ADGRF5: variants seen among roughly 807,000 people sequenced by gnomAD.
ADGRF5 encodes the protein G-protein coupled receptor 116.
ADGRF5 carries 75 observed loss-of-function variants against 132.3 expected under a neutral mutation model. The ratio of observed to expected loss-of-function variants is 0.57; its 90% CI spans 0.47 to 0.69. The LOEUF (loss-of-function observed/expected upper bound fraction) is 0.69. ADGRF5 is among the 30% of genes least tolerant of loss of function. The probability of loss-of-function intolerance (pLI) is 0.00; values close to 1 mark genes in which losing one functional copy is unlikely to be tolerated. For synonymous variants in ADGRF5, 629 were observed against 597.6 expected, an observed-to-expected ratio of 1.05 and a Z score of -0.77; for missense variants, 1,516 against 1,630.6, an observed-to-expected ratio of 0.93 and a Z score of 1.21.
chr6:46,939,680 G>A (rs1340893023), intron 1 of ADGRF5, among the ~76,000 whole-genome samples: 4 of 152,148 alleles, frequency 2.6e-5, no homozygotes, highest in Admixed American at 2.0e-4. Flanking sequence ...TGAGGACATG[G>A]AATGGGGAGC....
chr6:46,897,312 T>C (rs1774287706), intron 3 of ADGRF5, among the ~76,000 whole-genome samples: 2 of 152,082 alleles, frequency 1.3e-5, no homozygotes, highest in South Asian at 4.2e-4. Context: ...AAAGATTTTG[T>C]CCAGTGACTC....
At chr6:46,868,669 G>C (rs665551) in intron 12 of ADGRF5, among the ~76,000 whole-genome samples, 127,251 of 152,202 alleles carry the variant, frequency 0.84, 54,998 homozygotes, top group East Asian at 0.99. Flanking sequence ...CCTGGCTCTA[G>C]AACTTAAGTT....
intron 1 of ADGRF5, among the ~76,000 whole-genome samples, chr6:46,938,390 G>T (rs963705183): frequency 1.3e-5 from 2 of 152,136 alleles, no homozygotes; most frequent in Non-Finnish European, 2.9e-5. Flanking sequence ...GTCTATTTCT[G>T]TATTTTTTGG....
chr6:46,926,028 T>C (rs1777227911), upstream of ADGRF5, among the ~76,000 whole-genome samples: 1 of 152,344 alleles, frequency 6.6e-6, no homozygotes, highest in South Asian at 2.1e-4. Context: ...CCTTTGGCAC[T>C]GATCTGTCCT....
At chr6:46,913,414 G>A (rs1019330006) in intron 1 of ADGRF5, among the ~76,000 whole-genome samples, 23 of 151,912 alleles carry the variant, frequency 1.5e-4, no homozygotes, top group African/African-American at 5.6e-4. Context: ...CAGGAGAATT[G>A]CTTCAACCCA....
At chr6:46,949,114 A>G (rs900393349) in intron 1 of ADGRF5, among the ~76,000 whole-genome samples, 2 of 152,188 alleles carry the variant, frequency 1.3e-5, no homozygotes, top group African/African-American at 4.8e-5. Context: ...TTTTTAAGAA[A>G]GCTAACTTAG....
At chr6:46,914,063 C>T (rs935092397) in intron 1 of ADGRF5, among the ~76,000 whole-genome samples, 2 of 152,170 alleles carry the variant, frequency 1.3e-5, no homozygotes, top group Non-Finnish European at 2.9e-5. Flanking sequence ...TAGATGAGCA[C>T]ATACAAGCAT....
chr6:46,875,287 G>A (rs150654594), intron 10 of ADGRF5, among the ~76,000 whole-genome samples: 154 of 152,282 alleles, frequency 1.0e-3, no homozygotes, highest in Non-Finnish European at 1.8e-3. Context: ...GTGCAACCAG[G>A]AGCCCTGCAT....
In ADGRF5 at chr6:46,858,884, G is replaced by A. The variant is rs1373211811; in HGVS notation, c.3019C>T (p.Leu1007Phe). ...MSPDSPDPSSLLGILLDIISY... is the reference protein window; with the variant it reads ...MSPDSPDPSSFLGILLDIISY... ...ATAATATCCAGGAGTATTCCCAGGA[G>A]AGAACTAGGATCTGGGGAGTCAGGG... Residue 1007 changes from leucine (L) to phenylalanine (F), a missense_variant, in exon 17 of 21, where the codon CTC (leucine) becomes TTC (phenylalanine). By Grantham distance (22) the Leu-to-Phe change is conservative (BLOSUM62 0). Transcript: ENST00000283296. The A allele has an allele frequency of 3.7e-6, 6 of 1,614,072 alleles. No individual in the cohort carries two copies. The highest frequency in any genetic ancestry group is 1.7e-5 in the Admixed American group (1 of 60,032).
intron 1 of ADGRF5, among the ~76,000 whole-genome samples, chr6:46,941,781 C>T (rs942807072): frequency 1.3e-5 from 2 of 152,144 alleles, no homozygotes; most frequent in Admixed American, 6.5e-5. Flanking sequence ...CTAGGTTCAT[C>T]TGTGGGCCAT....
chr6:46,888,793 A>G (rs576296506), intron 3 of ADGRF5, among the ~76,000 whole-genome samples: 35 of 152,282 alleles, frequency 2.3e-4, no homozygotes, highest in African/African-American at 7.5e-4. Context: ...AAAATATGTC[A>G]CAGTCAGGAC....
chr6:46,939,319 G>T (rs898893974), intron 1 of ADGRF5, among the ~76,000 whole-genome samples: 3 of 152,294 alleles, frequency 2.0e-5, no homozygotes, highest in South Asian at 4.1e-4. Flanking sequence ...GACAGGCAGG[G>T]CTGAAGCTTA....
intron 1 of ADGRF5, among the ~76,000 whole-genome samples, chr6:46,941,381 A>G (rs770830724): frequency 1.0e-4 from 14 of 134,712 alleles, no homozygotes; most frequent in Non-Finnish European, 2.3e-4. Context: ...GAGAGAAAGA[A>G]AGAAACAAAG....
chr6:46,899,944 T>C (rs1361598369), intron 3 of ADGRF5, 85 bp downstream of exon 3: 1 of 926,550 alleles, frequency 1.1e-6, no homozygotes, highest in South Asian at 1.3e-5. Context: ...GGCTGAATTA[T>C]GTAGACTACA....
chr6:46,897,677 CGATT>C (rs1238865286), intron 3 of ADGRF5, among the ~76,000 whole-genome samples: 1 of 152,156 alleles, frequency 6.6e-6, no homozygotes, highest in Non-Finnish European at 1.5e-5. Context: ...CGGGTTCAAG[CGATT>C]CTCCTGCCTC....
intron 6 of ADGRF5, 56 bp from the exon 7 acceptor site, chr6:46,882,163 A>T: frequency 8.8e-7 from 1 of 1,131,490 alleles, no homozygotes; most frequent in Non-Finnish European, 1.3e-6. Flanking sequence ...TAGGTGTATC[A>T]AAAGATCTGA....
At position 46,871,971 on chromosome 6, in the gene ADGRF5, G is replaced by A; in HGVS notation, c.1283C>T (p.Thr428Ile). ...TDIDSSCSRYTLKADGTQCPS... is the reference protein window; with the variant it reads ...TDIDSSCSRYILKADGTQCPS... ...GCACTGGGTTCCATCAGCCTTGAGG[G>A]TGTATCTGCTGCAGCTAGAATCTAT... Residue 428 changes from threonine to isoleucine, a missense_variant, in exon 11 of 21, where the codon ACC becomes ATC. This residue lies in a region of ADGRF5 where 945 missense variants were observed against 929.4 expected (regional missense o/e 1.02). Transcript: ENST00000283296. 2 of 1,612,560 alleles carry A rather than the reference G, an allele frequency of 1.2e-6. No individual in the cohort carries two copies. The highest frequency in any genetic ancestry group is 1.1e-5 in the South Asian group (1 of 90,832).
Position 46,890,891 on chromosome 6 carries a change from G to A in ADGRF5, c.158-2386C>T, listed in dbSNP as rs969959619. 2.0e-5 allele frequency among the ~76,000 whole-genome samples: 3 copies of A among 152,098 alleles called. No individual in the cohort carries two copies. The South Asian group carries it at 6.2e-4, about 32-fold the overall frequency. ...AGATTTAAATATTCCAAGGACTCTT[G>A]GTGTGAAATACTAAAATAGAGTAAG... On this transcript the variant is annotated intron_variant, in intron 3 of 20. Coordinates refer to ENST00000283296, the MANE Select transcript of ADGRF5 (RefSeq NM_001098518.2).
intron 1 of ADGRF5, among the ~76,000 whole-genome samples, chr6:46,920,221 C>A (rs1285295802): frequency 6.6e-6 from 1 of 152,140 alleles, no homozygotes. Flanking sequence ...ATTGGCAAAT[C>A]TAGAATTTAA....
Sources: allele counts gnomAD v4.1 joint callset (sites outside exome capture counted in the v4.1 genomes callset), GRCh38; gene constraint gnomAD v4.1.1; regional missense constraint gnomAD v4.1.1; transcripts MANE v1.5; gene names NCBI Gene and HGNC (gene_info 2026-07-23, HGNC 2026-07-21).